The following SPINK5 variants were observed in gnomAD, a reference collection of about 807,000 sequenced individuals.
SPINK5 encodes serine protease inhibitor Kazal-type 5.
SPINK5 carries 125 observed loss-of-function variants against 151.8 expected under a neutral mutation model. That is an observed-to-expected ratio of 0.82 (90% CI 0.71 to 0.96). The LOEUF (loss-of-function observed/expected upper bound fraction) is 0.96, where lower values mean the gene tolerates loss of function less well. Ranked by LOEUF, SPINK5 falls within the 40% of genes least tolerant of loss-of-function variation. SPINK5 has a pLI of 0.00. For missense variants in SPINK5, 1,194 were observed against 1,291.9 expected (o/e 0.92, Z 1.16); for synonymous variants, 374 against 395.3 (o/e 0.95, Z 0.64).
intron 15 of SPINK5, 105 bp from the exon 16 acceptor site, chr5:148,104,847 G>C: frequency 5.8e-6 from 6 of 1,035,994 alleles, no homozygotes; most frequent in Non-Finnish European, 7.1e-6. Flanking sequence ...AGTGAGCCGA[G>C]ATCGCGCCAC....
At chr5:148,129,497 G>A (rs1470993944) in intron 30 of SPINK5, among the ~76,000 whole-genome samples, 1 of 108,718 alleles carries the variant, frequency 9.2e-6, no homozygotes, top group African/African-American at 2.9e-5. Flanking sequence ...TTGAGTTGAT[G>A]TACTATGTTA....
chr5:148,108,676 C>G, intron 17 of SPINK5, 77 bp from the exon 18 acceptor site: 1 of 1,571,006 alleles, frequency 6.4e-7, no homozygotes, highest in South Asian at 1.1e-5. Context: ...TTTGGAAGAT[C>G]CTCATTCCTT....
intron 32 of SPINK5, among the ~76,000 whole-genome samples, chr5:148,136,569 T>G (rs1293404974): frequency 2.0e-5 from 3 of 152,208 alleles, no homozygotes; most frequent in African/African-American, 7.2e-5. Context: ...TACATTCTAG[T>G]GGTCTACAAC....
At chr5:148,072,729 C>A (rs1752772976) in intron 4 of SPINK5, among the ~76,000 whole-genome samples, 1 of 151,216 alleles carries the variant, frequency 6.6e-6, no homozygotes. Context: ...TTTCCTTTTT[C>A]TTTTACTCTT....
At chr5:148,073,794 G>A (rs775283760) in intron 4 of SPINK5, among the ~76,000 whole-genome samples, 15 of 123,492 alleles carry the variant, frequency 1.2e-4, no homozygotes, top group Non-Finnish European at 2.0e-4. Flanking sequence ...ATTACTTTTT[G>A]TTAATATATT....
rs757927241 is a variant in SPINK5 at position 148,124,723 on chromosome 5, C to A, written c.2667-42C>A. ...TGGTTAAAGACAATTCAGTAACAAC[C>A]CTTGAAAAATTACCCTATCTTTTTT... On this transcript the variant is annotated intron_variant, in intron 27 of 32. Coordinates refer to ENST00000256084, the MANE Select transcript of SPINK5 (RefSeq NM_006846.4). The A allele has an allele frequency of 5.4e-6, 8 of 1,470,804 alleles. No homozygotes were observed. In the African/African-American group the frequency reaches 1.0e-4, roughly 19 times the overall value. The allele number at this position is 1,470,804 out of a possible 1,614,324, so 91.1% of individuals were successfully genotyped here.
intron 8 of SPINK5, among the ~76,000 whole-genome samples, chr5:148,093,344 T>C (rs1477930923): frequency 6.6e-6 from 1 of 151,614 alleles, no homozygotes; most frequent in Non-Finnish European, 1.5e-5. Context: ...CTTTCTTGGA[T>C]TTTTTTTGGT....
At chr5:148,078,102 G>C (rs1018976320) in intron 4 of SPINK5, among the ~76,000 whole-genome samples, 2 of 151,134 alleles carry the variant, frequency 1.3e-5, no homozygotes, top group Admixed American at 1.3e-4. Context: ...AATGATAACA[G>C]ATCGGTACCA....
intron 32 of SPINK5, among the ~76,000 whole-genome samples, chr5:148,135,859 C>G (rs1047207096): frequency 2.0e-5 from 3 of 152,118 alleles, no homozygotes; most frequent in African/African-American, 7.2e-5. Flanking sequence ...GGAACCCACT[C>G]TTTTGTTACT....
intron 6 of SPINK5, 57 bp from the exon 7 acceptor site, chr5:148,089,437 C>T (rs1753248683): frequency 6.2e-7 from 1 of 1,610,038 alleles, no homozygotes; most frequent in Non-Finnish European, 8.5e-7. Context: ...TTTCTGAAAA[C>T]AGTGTTGTCA....
intron 17 of SPINK5, among the ~76,000 whole-genome samples, chr5:148,107,549 A>T (rs1048702834): frequency 5.9e-5 from 9 of 152,172 alleles, no homozygotes; most frequent in Non-Finnish European, 1.2e-4. Flanking sequence ...AGCCAGCTGG[A>T]TGGAGGTCTG....
At chr5:148,123,184 T>C (rs146020284) in intron 26 of SPINK5, among the ~76,000 whole-genome samples, 1,552 of 151,378 alleles carry the variant, frequency 0.01, 36 homozygotes, top group African/African-American at 0.035. Context: ...CTCCCGTCTC[T>C]ACAAAAAATT....
intron 26 of SPINK5, among the ~76,000 whole-genome samples, chr5:148,120,626 T>G (rs1434877459): frequency 1.3e-5 from 2 of 152,120 alleles, no homozygotes; most frequent in Non-Finnish European, 2.9e-5. Context: ...AGTTAGCCAG[T>G]GAATTTCATT....
intron 4 of SPINK5, among the ~76,000 whole-genome samples, chr5:148,086,084 T>A (rs1324055269): frequency 6.6e-6 from 1 of 151,848 alleles, no homozygotes; most frequent in Non-Finnish European, 1.5e-5. Context: ...CTACTGGGCC[T>A]CACTACTACT....
At chr5:148,127,987 A>T (rs73794692) in intron 30 of SPINK5, among the ~76,000 whole-genome samples, 7,589 of 152,226 alleles carry the variant, frequency 0.05, 624 homozygotes, top group African/African-American at 0.17. Flanking sequence ...GGATATGAGA[A>T]CATCAAGCAG....
chr5:148,099,625 CAT>C lies in SPINK5; in HGVS notation c.1092+313_1092+314del, dbSNP rs1187948232. 2.6e-5 allele frequency among the ~76,000 whole-genome samples: 4 copies of C among 152,136 alleles called. No homozygotes were observed. The East Asian group carries it at 7.8e-4, about 29-fold the overall frequency. On this transcript the variant is annotated intron_variant, in intron 12 of 32. Coordinates refer to ENST00000256084, the MANE Select transcript of SPINK5 (RefSeq NM_006846.4). Reference sequence around the variant, plus strand: ...AGAAATTCTACATGTATGCTTTCTACATATGAGTTTCTGATATTTCACATCTA... The same window carrying C: ...AGAAATTCTACATGTATGCTTTCTACATGAGTTTCTGATATTTCACATCTA...
Position 148,127,190 on chromosome 5 carries a change from T to C in SPINK5, c.2964+111T>C, listed in dbSNP as rs1053105847. On this transcript the variant is annotated intron_variant, in intron 30 of 32. Coordinates refer to ENST00000256084, the MANE Select transcript of SPINK5 (RefSeq NM_006846.4). ...AAGGGTCTGAGGTTTGCTGATTCAGTGCAGCCTGAAGTCCTTTGAGGACTA... is the reference window on the plus strand; with the variant it reads ...AAGGGTCTGAGGTTTGCTGATTCAGCGCAGCCTGAAGTCCTTTGAGGACTA... 3 of 915,114 alleles carry C rather than the reference T, an allele frequency of 3.3e-6. No individual in the cohort carries two copies. In the African/African-American group the frequency reaches 5.0e-5, roughly 15 times the overall value. The allele number at this position is 915,114 out of a possible 1,614,324, so 56.7% of individuals were successfully genotyped here.
At chr5:148,132,573 T>G (rs1754600430) in intron 31 of SPINK5, among the ~76,000 whole-genome samples, 1 of 152,180 alleles carries the variant, frequency 6.6e-6, no homozygotes, top group African/African-American at 2.4e-5. Context: ...AGAAGGTTAA[T>G]CTGAGGCTCA....
intron 16 of SPINK5, 74 bp from the exon 17 acceptor site, chr5:148,106,963 A>C: frequency 6.3e-7 from 1 of 1,588,896 alleles, no homozygotes; most frequent in Non-Finnish European, 8.6e-7. Flanking sequence ...TCTACGTTAC[A>C]TATTCCTCAT....
Sources: allele counts gnomAD v4.1 joint callset (sites outside exome capture counted in the v4.1 genomes callset), GRCh38; gene constraint gnomAD v4.1.1; transcripts MANE v1.5; gene names NCBI Gene and HGNC (gene_info 2026-07-23, HGNC 2026-07-21).